LAD1: variants seen among roughly 807,000 people sequenced by gnomAD.
LAD1 encodes the protein ladinin-1.
Under a neutral mutation model 54.2 loss-of-function variants are expected in LAD1, and 53 were observed. The ratio of observed to expected loss-of-function variants is 0.98; its 90% CI spans 0.78 to 1.23. The LOEUF is 1.23. Ranked by LOEUF, LAD1 falls within the 50% of genes most tolerant of loss-of-function variation. LAD1 has a pLI of 0.00. For synonymous variants in LAD1, 231 were observed against 257.7 expected (o/e 0.90, Z 0.99); for missense variants, 637 against 653.3 (o/e 0.98, Z 0.27).
intron 5 of LAD1, among the ~76,000 whole-genome samples, chr1:201,383,879 A>G (rs1193446355): frequency 6.6e-6 from 1 of 152,130 alleles, no homozygotes; most frequent in Non-Finnish European, 1.5e-5. Context: ...CCAGCTGGAC[A>G]CCATGCTCTT....
chr1:201,385,657 T>C, intron 4 of LAD1, 44 bp downstream of exon 4: 1 of 1,405,074 alleles, frequency 7.1e-7, no homozygotes, highest in East Asian at 2.3e-5. Flanking sequence ...CTTCCTCCAC[T>C]TGCCCTCCAG....
rs1159225378 is a variant in LAD1 at position 201,383,054 on chromosome 1, G to A, written c.1386+20C>T. The A allele has an allele frequency of 1.2e-6, 2 of 1,606,596 alleles. No individual in the cohort carries two copies. The highest frequency in any genetic ancestry group is 1.1e-5 in the South Asian group (1 of 90,856). On this transcript the variant is annotated intron_variant, in intron 7 of 9. Transcript: ENST00000391967. ...CAGGGCTAATCACCCTAAGGACCCT[G>A]TGGGGCCTGAGCCCCTCACCTTCCG...
At chr1:201,390,728 G>A (rs1358418086) in intron 1 of LAD1, among the ~76,000 whole-genome samples, 1 of 152,130 alleles carries the variant, frequency 6.6e-6, no homozygotes, top group Non-Finnish European at 1.5e-5. Context: ...CCTGCTGGGT[G>A]CCAGTAGTAC....
chr1:201,387,840 C>T (rs1361950959), intron 2 of LAD1, among the ~76,000 whole-genome samples: 1 of 152,216 alleles, frequency 6.6e-6, no homozygotes, highest in Non-Finnish European at 1.5e-5. Context: ...TAACCCACAG[C>T]ACCTGGCCTC....
intron 8 of LAD1, 25 bp from the exon 9 acceptor site, chr1:201,382,351 A>T: frequency 6.3e-7 from 1 of 1,578,226 alleles, no homozygotes; most frequent in Middle Eastern, 1.7e-4. Flanking sequence ...CAGGGTGGAG[A>T]CCAGAGACTA....
At chr1:201,383,418 C>A in intron 5 of LAD1, 29 bp from the exon 6 acceptor site, 1 of 1,608,652 alleles carries the variant, frequency 6.2e-7, no homozygotes, top group Non-Finnish European at 8.5e-7. Context: ...AACAGGCGAG[C>A]CAAGTGAGAC....
rs1662337700 is a variant in LAD1, at chr1:201,398,404, G to A, written c.38+865C>T. ...ATCAAAAGAGCAGGCTCCAGCTCTG[G>A]GCTACCGCAGGAGCCTCAGTTTCCT... is the stretch of plus-strand genomic sequence containing the variant. On this transcript the variant is annotated intron_variant, in intron 1 of 9. Transcript: ENST00000391967. Among the ~76,000 whole-genome samples the A allele has an allele frequency of 2.6e-5, 4 of 152,190 alleles. No homozygotes were observed. The South Asian group carries it at 8.3e-4, about 32-fold the overall frequency.
intron 9 of LAD1, among the ~76,000 whole-genome samples, 156 bp downstream of exon 9, chr1:201,382,096 G>A (rs888834850): frequency 3.9e-5 from 6 of 152,196 alleles, no homozygotes; most frequent in African/African-American, 1.2e-4. Context: ...TTGTTCTCAC[G>A]GTTGGCTCAG....
At chr1:201,388,985 G>A (rs1352941183) in intron 2 of LAD1, among the ~76,000 whole-genome samples, 175 bp downstream of exon 2, 1 of 152,216 alleles carries the variant, frequency 6.6e-6, no homozygotes, top group East Asian at 1.9e-4. Flanking sequence ...TTGTTATGAA[G>A]AGGATGGAAG....
At position 201,385,641 on chromosome 1, in the gene LAD1, T is replaced by G. The variant is rs1662058768; in HGVS notation, c.1131+60A>C. ...CCTACGGCTCCTATGTTGTAATGGA[T>G]GCGGGCTTCCTCCACTTGCCCTCCA... On this transcript the variant is annotated intron_variant, in intron 4 of 9. Transcript: ENST00000391967. 3.3e-6 allele frequency: 4 copies of G among 1,224,778 alleles called. No individual in the cohort carries two copies. In the East Asian group the frequency reaches 9.3e-5, roughly 28 times the overall value. The allele number at this position is 1,224,778 out of a possible 1,614,324, so 75.9% of individuals were successfully genotyped here. A position where few individuals can be genotyped will look rare whatever the true frequency, so the allele number is the denominator to read the frequency against.
chr1:201,395,618 C>T (rs1204315234), intron 1 of LAD1, among the ~76,000 whole-genome samples: 2 of 152,018 alleles, frequency 1.3e-5, no homozygotes, highest in Admixed American at 1.3e-4. Context: ...TAGCTGGGTC[C>T]GTGGTGGCGG....
chr1:201,388,681 CAAA>C (rs35111170), intron 2 of LAD1, among the ~76,000 whole-genome samples: 4 of 107,764 alleles, frequency 3.7e-5, no homozygotes, highest in Non-Finnish European at 3.7e-5. Flanking sequence ...GACTTCGTCT[CAAA>C]AAAAAAAAAA....
intron 1 of LAD1, chr1:201,391,303 A>G (rs1292446315): frequency 5.4e-6 from 2 of 373,512 alleles, no homozygotes; most frequent in South Asian, 2.0e-5. Flanking sequence ...CCAAGCAGGC[A>G]TTCTACAGCC....
chr1:201,386,395 T>C lies in LAD1; in HGVS notation c.966A>G (p.Ala322=). The part of the protein sequence containing the change: ...ALPGKNLPSL[A]KQGASDPPTV... ...TCGGAGGGTCTGAAGCCCCCTGCTT[T>C]GCCAAAGAGGGCAGGTTCTTCCCAG... The change falls in exon 3 of 10, where the codon GCA becomes GCG. Residue 322 remains alanine (A), a synonymous_variant. Transcript: ENST00000391967. The C allele has an allele frequency of 1.3e-6, 2 of 1,521,342 alleles. No individual in the cohort carries two copies. The highest frequency in any genetic ancestry group is 1.8e-6 in the Non-Finnish European group (2 of 1,138,856). 94.2% of individuals were successfully genotyped at this position (1,521,342 alleles called of 1,614,324 possible).
At chr1:201,384,208 C>T (rs1187954203) in intron 5 of LAD1, among the ~76,000 whole-genome samples, 1 of 152,116 alleles carries the variant, frequency 6.6e-6, no homozygotes, top group African/African-American at 2.4e-5. Context: ...TCCACCCCCA[C>T]CCCAGCCCCC....
At chr1:201,387,827 C>T (rs1662125963) in intron 2 of LAD1, among the ~76,000 whole-genome samples, 1 of 152,170 alleles carries the variant, frequency 6.6e-6, no homozygotes, top group Non-Finnish European at 1.5e-5. Flanking sequence ...AGAGGATTGT[C>T]CATAACCCAC....
At chr1:201,395,402 C>T (rs1662270838) in intron 1 of LAD1, among the ~76,000 whole-genome samples, 1 of 152,172 alleles carries the variant, frequency 6.6e-6, no homozygotes, top group Non-Finnish European at 1.5e-5. Flanking sequence ...AGTGAGCACA[C>T]TAACGTGGAA....
intron 5 of LAD1, among the ~76,000 whole-genome samples, chr1:201,384,445 C>T (rs986140641): frequency 6.6e-6 from 1 of 152,146 alleles, no homozygotes; most frequent in East Asian, 1.9e-4. Context: ...CCTGCTGGAG[C>T]AGGGGCTTCC....
chr1:201,384,864 G>T, intron 4 of LAD1, 29 bp from the exon 5 acceptor site: 1 of 1,612,632 alleles, frequency 6.2e-7, no homozygotes, highest in South Asian at 1.1e-5. Context: ...GCATTGTTGT[G>T]TGGGAGTCCC....
Sources: gnomAD v4.1 joint callset for allele counts (sites outside exome capture counted in the v4.1 genomes callset) on GRCh38, gnomAD v4.1.1 for gene constraint, MANE v1.5 for transcripts, NCBI Gene and HGNC (gene_info 2026-07-23, HGNC 2026-07-21) for gene names.